The following CPQ variants were observed in gnomAD, a reference collection of about 807,000 sequenced individuals.
CPQ encodes the protein carboxypeptidase Q.
CPQ carries 37 observed loss-of-function variants against 45.7 expected under a neutral mutation model. That is an observed-to-expected ratio of 0.81 (90% CI 0.62 to 1.07). The LOEUF (loss-of-function observed/expected upper bound fraction) is 1.07. CPQ is among the 50% of genes least tolerant of loss of function. CPQ has a pLI of 0.00. For synonymous variants in CPQ, 186 were observed against 205.8 expected, an observed-to-expected ratio of 0.90 and a Z score of 0.82; for missense variants, 537 against 572.9, an observed-to-expected ratio of 0.94 and a Z score of 0.64.
chr8:96,800,798 CA>C, intron 2 of CPQ, among the ~76,000 whole-genome samples: 1 of 152,108 alleles, frequency 6.6e-6, no homozygotes, highest in South Asian at 2.1e-4. Flanking sequence ...GATATACAAT[CA>C]AAAAACATCT....
chr8:96,725,628 G>A (rs1335748704), intron 1 of CPQ, among the ~76,000 whole-genome samples: 1 of 152,188 alleles, frequency 6.6e-6, no homozygotes, highest in Non-Finnish European at 1.5e-5. Flanking sequence ...CTTATATGCT[G>A]GTGGTGGAAA....
At chr8:97,130,911 A>C (rs1240712728) in intron 7 of CPQ, among the ~76,000 whole-genome samples, 2 of 151,860 alleles carry the variant, frequency 1.3e-5, no homozygotes, top group African/African-American at 2.4e-5. Flanking sequence ...AAAAAAAAAA[A>C]TTTGCATCTC....
intron 4 of CPQ, among the ~76,000 whole-genome samples, chr8:96,932,733 T>G (rs1812991371): frequency 1.3e-5 from 2 of 152,218 alleles, no homozygotes; most frequent in South Asian, 4.1e-4. Flanking sequence ...CAAACAGCTT[T>G]GTGAGCAGCC....
intron 7 of CPQ, among the ~76,000 whole-genome samples, chr8:97,122,967 A>T (rs182757918): frequency 0.021 from 1,521 of 72,732 alleles, 131 homozygotes; most frequent in Non-Finnish European, 0.026. Context: ...AAAATAAAAT[A>T]AAATAAAATA....
At chr8:96,779,228 G>A (rs1563494847) in intron 1 of CPQ, among the ~76,000 whole-genome samples, 1 of 151,958 alleles carries the variant, frequency 6.6e-6, no homozygotes, top group Non-Finnish European at 1.5e-5. Flanking sequence ...TTCTCTGCCT[G>A]CTGAGCCATT....
chr8:96,926,086 A>G (rs576528064), intron 4 of CPQ, among the ~76,000 whole-genome samples: 1 of 152,340 alleles, frequency 6.6e-6, no homozygotes, highest in African/African-American at 2.4e-5. Flanking sequence ...CTGAAAACCT[A>G]GGAAACCTCG....
intron 4 of CPQ, among the ~76,000 whole-genome samples, chr8:96,941,223 A>G (rs1484662070): frequency 6.6e-6 from 1 of 152,060 alleles, no homozygotes; most frequent in Non-Finnish European, 1.5e-5. Context: ...ATAACTTTGA[A>G]ATCAGAAAGC....
intron 7 of CPQ, among the ~76,000 whole-genome samples, chr8:97,086,261 A>C (rs963608869): frequency 6.6e-6 from 1 of 152,218 alleles, no homozygotes; most frequent in Non-Finnish European, 1.5e-5. Context: ...CTAGAAATGA[A>C]CATTTAAATG....
At chr8:96,840,693 T>A (rs1172749756) in intron 3 of CPQ, among the ~76,000 whole-genome samples, 1 of 152,140 alleles carries the variant, frequency 6.6e-6, no homozygotes, top group East Asian at 1.9e-4. Context: ...AATGAGGGCA[T>A]AGATGATGGC....
intron 1 of CPQ, among the ~76,000 whole-genome samples, chr8:96,783,297 GA>G: frequency 6.6e-6 from 1 of 152,008 alleles, no homozygotes; most frequent in Non-Finnish European, 1.5e-5. Context: ...TGCTTTAACA[GA>G]ATACCACAGA....
chr8:96,909,765 A>C (rs1262354450), intron 4 of CPQ, among the ~76,000 whole-genome samples: 3 of 152,174 alleles, frequency 2.0e-5, no homozygotes, highest in Admixed American at 6.5e-5. Flanking sequence ...CTGTCTGTGA[A>C]TATATGGGAA....
chr8:97,007,952 G>A (rs1387557411), intron 5 of CPQ, among the ~76,000 whole-genome samples: 1 of 152,124 alleles, frequency 6.6e-6, no homozygotes. Flanking sequence ...CATCTGCTAA[G>A]ATTAGATTAA....
At chr8:97,106,260 G>C (rs1811402079) in intron 7 of CPQ, among the ~76,000 whole-genome samples, 1 of 152,222 alleles carries the variant, frequency 6.6e-6, no homozygotes, top group East Asian at 1.9e-4. Flanking sequence ...CCCCTGCCCA[G>C]ACTTCTGGAT....
chr8:96,691,422 A>G (rs1455670094), intron 1 of CPQ, among the ~76,000 whole-genome samples: 1 of 152,140 alleles, frequency 6.6e-6, no homozygotes, highest in Non-Finnish European at 1.5e-5. Context: ...GGTTATACTC[A>G]TCAAAAGTAC....
At chr8:96,966,143 G>T in intron 5 of CPQ, 97 bp downstream of exon 5, 1 of 818,260 alleles carries the variant, frequency 1.2e-6, no homozygotes. Flanking sequence ...ACTATGGTAT[G>T]TTCAAAGATC....
At chr8:96,966,129 A>T (rs990953677) in intron 5 of CPQ, 83 bp downstream of exon 5, 5 of 945,390 alleles carry the variant, frequency 5.3e-6, no homozygotes, top group Non-Finnish European at 8.1e-6. Flanking sequence ...TTAACAGATT[A>T]GTTACTATGG....
intron 1 of CPQ, among the ~76,000 whole-genome samples, chr8:96,740,474 C>A (rs1161381681): frequency 6.6e-6 from 1 of 151,700 alleles, no homozygotes; most frequent in Non-Finnish European, 1.5e-5. Flanking sequence ...TGCCTAATTG[C>A]CCTGGCCAGA....
At chr8:97,070,540 G>C (rs1810722560) in intron 7 of CPQ, among the ~76,000 whole-genome samples, 1 of 151,994 alleles carries the variant, frequency 6.6e-6, no homozygotes, top group South Asian at 2.1e-4. Context: ...AGATACTTCA[G>C]TTTAAGAATA....
At chr8:97,063,614 A>C (rs1810588974) in intron 6 of CPQ, among the ~76,000 whole-genome samples, 1 of 152,136 alleles carries the variant, frequency 6.6e-6, no homozygotes, top group African/African-American at 2.4e-5. Flanking sequence ...TTCACATTTA[A>C]GTCTTTAATC....
Sources: allele counts gnomAD v4.1 joint callset (sites outside exome capture counted in the v4.1 genomes callset), GRCh38; gene constraint gnomAD v4.1.1; transcripts MANE v1.5; gene names NCBI Gene and HGNC (gene_info 2026-07-23, HGNC 2026-07-21).